The following SRGAP2 variants were observed in gnomAD, a reference collection of about 807,000 sequenced individuals.
SRGAP2 encodes SLIT-ROBO Rho GTPase-activating protein 2.
A neutral mutation model predicts 57.2 loss-of-function variants in SRGAP2; 15 were observed. That is an observed-to-expected ratio of 0.26 (90% CI 0.18 to 0.40). SRGAP2 has a LOEUF of 0.40. Among genes scored for constraint, SRGAP2 ranks in the 10% least tolerant of loss-of-function variants. SRGAP2 has a pLI of 1.00. For synonymous variants in SRGAP2, 249 were observed against 248.0 expected (o/e 1.00, Z -0.04); for missense variants, 520 against 669.6 (o/e 0.78, Z 2.47).
At chr1:206,432,220 T>A (rs1553368549) in intron 14 of SRGAP2, among the ~76,000 whole-genome samples, 5 of 152,306 alleles carry the variant, frequency 3.3e-5, no homozygotes, top group South Asian at 2.1e-4. Context: ...CCAGATATTG[T>A]GGCATGAATG....
chr1:206,456,456 A>G (rs1030998745), intron 21 of SRGAP2, among the ~76,000 whole-genome samples: 3 of 152,222 alleles, frequency 2.0e-5, no homozygotes, highest in Non-Finnish European at 4.4e-5. Flanking sequence ...CCCTACAATC[A>G]AAAGGTCGTG....
intron 10 of SRGAP2, among the ~76,000 whole-genome samples, 200 bp from the exon 11 acceptor site, chr1:206,415,689 G>A (rs188644983): frequency 6.6e-5 from 10 of 152,172 alleles, no homozygotes; most frequent in Non-Finnish European, 1.5e-4. Flanking sequence ...GAAAAAACCT[G>A]GAGAAGGATA....
intron 4 of SRGAP2, among the ~76,000 whole-genome samples, chr1:206,374,305 C>G (rs1211937454): frequency 1.3e-5 from 2 of 150,380 alleles, no homozygotes; most frequent in African/African-American, 2.5e-5. Context: ...CGTGAGCCAC[C>G]GCGCCCGGCC....
At chr1:206,212,137 A>G (rs1553302554) in intron 2 of SRGAP2, among the ~76,000 whole-genome samples, 1 of 151,930 alleles carries the variant, frequency 6.6e-6, no homozygotes, top group African/African-American at 2.4e-5. Context: ...ATTTTGAATA[A>G]TGCTGCTGTG....
chr1:206,374,149 C>T (rs1418521963), intron 4 of SRGAP2, among the ~76,000 whole-genome samples: 6 of 150,230 alleles, frequency 4.0e-5, no homozygotes, highest in Admixed American at 6.6e-5. Flanking sequence ...CTCAGCCTCC[C>T]GAATAGCTGG....
chr1:206,305,563 T>C (rs1455267068), intron 3 of SRGAP2, among the ~76,000 whole-genome samples: 1 of 152,166 alleles, frequency 6.6e-6, no homozygotes, highest in African/African-American at 2.4e-5. Flanking sequence ...CAGCACTATC[T>C]ACCTTCTGTT....
intron 16 of SRGAP2, among the ~76,000 whole-genome samples, chr1:206,438,352 G>A (rs1661964270): frequency 6.6e-6 from 1 of 151,832 alleles, no homozygotes; most frequent in South Asian, 2.1e-4. Flanking sequence ...TCATCTCTGG[G>A]CTTTATCTTT....
At chr1:206,415,779 G>A in intron 10 of SRGAP2, 110 bp from the exon 11 acceptor site, 1 of 693,770 alleles carries the variant, frequency 1.4e-6, no homozygotes. Flanking sequence ...TGGAAATTGG[G>A]TCAGAAACCA....
chr1:206,375,708 A>ACTCC (rs1460800906), intron 4 of SRGAP2, among the ~76,000 whole-genome samples: 1 of 151,570 alleles, frequency 6.6e-6, no homozygotes, highest in Non-Finnish European at 1.5e-5. Context: ...ACTCCCCTGA[A>ACTCC]CTCCCACCCT....
At chr1:206,285,495 C>T (rs1237403153) in intron 2 of SRGAP2, among the ~76,000 whole-genome samples, 1 of 152,132 alleles carries the variant, frequency 6.6e-6, no homozygotes. Flanking sequence ...GTTGGAGGGA[C>T]AGGGACAGGA....
chr1:206,236,032 GA>G (rs1246593796), intron 2 of SRGAP2, among the ~76,000 whole-genome samples: 1 of 57,698 alleles, frequency 1.7e-5, no homozygotes, highest in Non-Finnish European at 3.5e-5. Context: ...TGTCTTTAAA[GA>G]AAAAAAGAGG....
chr1:206,381,304 C>G (rs545805789), intron 4 of SRGAP2, among the ~76,000 whole-genome samples: 1 of 148,628 alleles, frequency 6.7e-6, no homozygotes, highest in African/African-American at 2.5e-5. Flanking sequence ...TTAACCTCTG[C>G]CATTCAAACA....
At chr1:206,385,070 A>T (rs6662426) in intron 5 of SRGAP2, among the ~76,000 whole-genome samples, 8,843 of 137,324 alleles carry the variant, frequency 0.064, 439 homozygotes, top group African/African-American at 0.18. Flanking sequence ...TTGGGATCAG[A>T]TGTTGCTGAT....
chr1:206,256,124 A>G (rs1336185996), intron 2 of SRGAP2, among the ~76,000 whole-genome samples: 7 of 150,742 alleles, frequency 4.6e-5, no homozygotes, highest in African/African-American at 1.5e-4. Flanking sequence ...AAGAGAACCT[A>G]CCTGGCTGCA....
chr1:206,428,607 A>G (rs1450123735), intron 13 of SRGAP2, among the ~76,000 whole-genome samples: 3 of 152,110 alleles, frequency 2.0e-5, no homozygotes, highest in Admixed American at 6.6e-5. Flanking sequence ...GCCACTTGCC[A>G]GCTGTGTGAC....
In SRGAP2 at chr1:206,421,027, C is replaced by T. The variant is rs181412440; in HGVS notation, c.1470-223C>T. Among the ~76,000 whole-genome samples, 259 of 152,232 alleles carry T rather than the reference C, an allele frequency of 1.7e-3. 1 individual carries two copies. The highest frequency in any genetic ancestry group is 5.7e-3 in the African/African-American group (237 of 41,530). On this transcript the variant is annotated intron_variant, in intron 12 of 22. Coordinates refer to ENST00000573034, the MANE Select transcript of SRGAP2 (RefSeq NM_015326.5). ...TGCTTTTGTGAAAAAAAAGAGCTTT[C>T]GTAGGCTTTATTGTGGAAGTAATTT...
At chr1:206,376,444 A>T (rs2103041971) in intron 4 of SRGAP2, among the ~76,000 whole-genome samples, 1 of 151,586 alleles carries the variant, frequency 6.6e-6, no homozygotes, top group Middle Eastern at 3.4e-3. Flanking sequence ...GGACCTTCGC[A>T]ATTCCACATA....
chr1:206,452,249 T>A (rs1356655633), intron 19 of SRGAP2, among the ~76,000 whole-genome samples: 1 of 152,192 alleles, frequency 6.6e-6, no homozygotes, highest in Non-Finnish European at 1.5e-5. Flanking sequence ...TAGATTGCAT[T>A]CGTAGACCCC....
chr1:206,417,117 T>TC (rs1159703733), intron 11 of SRGAP2, among the ~76,000 whole-genome samples: 18 of 151,112 alleles, frequency 1.2e-4, no homozygotes, highest in African/African-American at 3.9e-4. Flanking sequence ...TTTTTTTTTT[T>TC]TTTTGAGATG....
Sources: allele counts gnomAD v4.1 joint callset (sites outside exome capture counted in the v4.1 genomes callset), GRCh38; gene constraint gnomAD v4.1.1; transcripts MANE v1.5; gene names NCBI Gene and HGNC (gene_info 2026-07-23, HGNC 2026-07-21).